The following CDH6 variants were observed in gnomAD, a reference collection of about 807,000 sequenced individuals.
CDH6 encodes cadherin-6.
A neutral mutation model predicts 78.0 loss-of-function variants in CDH6; 31 were observed. The ratio of observed to expected loss-of-function variants is 0.40; its 90% CI spans 0.30 to 0.54. The LOEUF (loss-of-function observed/expected upper bound fraction) is 0.54, where lower values mean the gene tolerates loss of function less well. Among genes scored for constraint, CDH6 ranks in the 20% least tolerant of loss-of-function variants. CDH6 has a pLI of 0.56. For missense variants in CDH6, 724 were observed against 975.9 expected (o/e 0.74, Z 3.44); for synonymous variants, 376 against 368.8 (o/e 1.02, Z -0.23).
chr5:31,320,500 C>T (rs1738452497), intron 11 of CDH6, among the ~76,000 whole-genome samples: 2 of 152,124 alleles, frequency 1.3e-5, no homozygotes, highest in Admixed American at 1.3e-4. Flanking sequence ...AGACAGTTGG[C>T]TTGATTCTGT....
At chr5:31,296,015 T>G (rs1017915967) in intron 3 of CDH6, among the ~76,000 whole-genome samples, 2 of 152,204 alleles carry the variant, frequency 1.3e-5, no homozygotes, top group Non-Finnish European at 2.9e-5. Context: ...CCCACCTCCC[T>G]TGCCAAATTA....
At chr5:31,260,290 T>G (rs1742178745) in intron 1 of CDH6, among the ~76,000 whole-genome samples, 2 of 152,188 alleles carry the variant, frequency 1.3e-5, no homozygotes, top group South Asian at 4.1e-4. Flanking sequence ...TGGTCCCCTC[T>G]TTGTCCAGCC....
chr5:31,225,943 A>T (rs775652775), intron 1 of CDH6, among the ~76,000 whole-genome samples: 12 of 152,168 alleles, frequency 7.9e-5, no homozygotes, highest in Non-Finnish European at 1.8e-4. Context: ...CAGAATGCAC[A>T]TTCCAAGTAC....
chr5:31,272,099 AG>A (rs1742545115), intron 2 of CDH6, among the ~76,000 whole-genome samples: 1 of 152,194 alleles, frequency 6.6e-6, no homozygotes, highest in South Asian at 2.1e-4. Flanking sequence ...GGGGCTCAGC[AG>A]AGCTTCCTAG....
chr5:31,252,800 T>C (rs1008075357), intron 1 of CDH6, among the ~76,000 whole-genome samples: 1 of 152,144 alleles, frequency 6.6e-6, no homozygotes, highest in Non-Finnish European at 1.5e-5. Context: ...TATGATACTC[T>C]GACAATGTTC....
intron 1 of CDH6, among the ~76,000 whole-genome samples, chr5:31,245,036 T>A (rs1741704434): frequency 6.6e-6 from 1 of 152,154 alleles, no homozygotes; most frequent in African/African-American, 2.4e-5. Context: ...AACAAAGTCA[T>A]AAATGGGGAT....
At position 31,299,407 on chromosome 5, in the gene CDH6, G is replaced by T. The variant is rs1308458199; in HGVS notation, c.644-57G>T. On this transcript the variant is annotated intron_variant, in intron 4 of 11. Coordinates refer to ENST00000265071, the MANE Select transcript of CDH6 (RefSeq NM_004932.4). ...GTTTATGTTGTTTGCATAAATCAAT[G>T]ATTCCATAAAGTATTCTTAATGCAT... 1.6e-5 allele frequency: 22 copies of T among 1,364,912 alleles called. No individual in the cohort carries two copies. The Admixed American group carries it at 3.9e-4, about 24-fold the overall frequency. 84.6% of individuals were successfully genotyped at this position (1,364,912 alleles called of 1,614,324 possible).
chr5:31,267,327 A>T lies in CDH6; in HGVS notation c.-128-19A>T. ...TTAAGCATCTCTAAAAATGCTTGTTATGTTATTATTCTTTCCAGATATCCT... is the reference window on the plus strand; with the variant it reads ...TTAAGCATCTCTAAAAATGCTTGTTTTGTTATTATTCTTTCCAGATATCCT... On this transcript the variant is annotated intron_variant, in intron 1 of 11. Transcript: ENST00000265071. The T allele has an allele frequency of 1.6e-6, 1 of 610,300 alleles. No individual in the cohort carries two copies. Among genetic ancestry groups the T allele is most frequent in the South Asian group, 2.2e-5 (1 of 45,232 alleles). 37.8% of individuals were successfully genotyped at this position (610,300 alleles called of 1,614,324 possible). A position where few individuals can be genotyped will look rare whatever the true frequency, so the allele number is the denominator to read the frequency against.
chr5:31,279,249 T>C (rs1742789355), intron 2 of CDH6, among the ~76,000 whole-genome samples: 1 of 152,086 alleles, frequency 6.6e-6, no homozygotes, highest in Admixed American at 6.6e-5. Context: ...ACTCTTAAAG[T>C]AAGCTAGAGA....
chr5:31,302,908 A>AAAGAAAGAAAG (rs1561066358), intron 6 of CDH6, among the ~76,000 whole-genome samples: 6 of 91,560 alleles, frequency 6.6e-5, no homozygotes, highest in African/African-American at 2.1e-4. Context: ...AGAAAAAAAG[A>AAAGAAAGAAAG]AAGAAAGAAA....
rs138907332 is a variant in CDH6 at position 31,303,339 on chromosome 5, A to G, written c.999+1041A>G. Among the ~76,000 whole-genome samples, 33 of 152,356 alleles carry G rather than the reference A, an allele frequency of 2.2e-4. No homozygotes were observed. In the East Asian group the frequency reaches 6.2e-3, roughly 28 times the overall value. ...TGTGATGCATACTGTGAAGGAAGAGAGTACAGCAAGCAGTGATCAAGATGA... is the reference window on the plus strand; with the variant it reads ...TGTGATGCATACTGTGAAGGAAGAGGGTACAGCAAGCAGTGATCAAGATGA... On this transcript the variant is annotated intron_variant, in intron 6 of 11. Transcript: ENST00000265071.
intron 1 of CDH6, among the ~76,000 whole-genome samples, chr5:31,262,068 A>G (rs943180306): frequency 6.6e-5 from 10 of 152,230 alleles, no homozygotes; most frequent in Admixed American, 4.6e-4. Context: ...TAACCTAGGG[A>G]AAAAGATTTT....
Position 31,212,981 on chromosome 5 carries a change from A to G in CDH6, c.-129+19095A>G, listed in dbSNP as rs576851440. Among the ~76,000 whole-genome samples, 3 of 152,306 alleles carry G rather than the reference A, an allele frequency of 2.0e-5. No homozygotes were observed. The South Asian group carries it at 6.2e-4, about 32-fold the overall frequency. On this transcript the variant is annotated intron_variant, in intron 1 of 11. Coordinates refer to ENST00000265071, the MANE Select transcript of CDH6 (RefSeq NM_004932.4). ...ATTCATTTACTCATTTCTATCTTCAACAAGTACTGATTGTTTGCCTACTAT... is the reference window on the plus strand; with the variant it reads ...ATTCATTTACTCATTTCTATCTTCAGCAAGTACTGATTGTTTGCCTACTAT...
At chr5:31,228,488 G>A (rs920458338) in intron 1 of CDH6, among the ~76,000 whole-genome samples, 1 of 152,088 alleles carries the variant, frequency 6.6e-6, no homozygotes, top group African/African-American at 2.4e-5. Context: ...AGACACCCAT[G>A]GACTCCCACC....
chr5:31,201,659 G>C (rs1740352063), intron 1 of CDH6, among the ~76,000 whole-genome samples: 1 of 152,086 alleles, frequency 6.6e-6, no homozygotes, highest in Non-Finnish European at 1.5e-5. Flanking sequence ...AAATAAAACT[G>C]TTAATGTTCC....
intron 1 of CDH6, among the ~76,000 whole-genome samples, chr5:31,203,242 T>TA (rs1554001938): frequency 1.5e-4 from 21 of 137,214 alleles, no homozygotes; most frequent in African/African-American, 5.8e-4. Context: ...CCTTTTTTTT[T>TA]TTTATTTATT....
At chr5:31,320,235 G>A (rs1228913492) in intron 11 of CDH6, among the ~76,000 whole-genome samples, 1 of 152,162 alleles carries the variant, frequency 6.6e-6, no homozygotes, top group African/African-American at 2.4e-5. Context: ...AAGAAATCCT[G>A]TTCAGATGTG....
intron 2 of CDH6, among the ~76,000 whole-genome samples, chr5:31,280,545 T>G (rs1742833183): frequency 6.6e-6 from 1 of 152,214 alleles, no homozygotes; most frequent in Non-Finnish European, 1.5e-5. Context: ...AGTCTGATAC[T>G]CTTTCCCTAT....
chr5:31,234,999 G>C (rs1189548176), intron 1 of CDH6, among the ~76,000 whole-genome samples: 1 of 152,040 alleles, frequency 6.6e-6, no homozygotes, highest in African/African-American at 2.4e-5. Context: ...CTCCCTGTGG[G>C]GGTGAGGGAG....
Sources: gnomAD v4.1 joint callset for allele counts (sites outside exome capture counted in the v4.1 genomes callset) on GRCh38, gnomAD v4.1.1 for gene constraint, MANE v1.5 for transcripts, NCBI Gene and HGNC (gene_info 2026-07-23, HGNC 2026-07-21) for gene names.